Variants in CEACAM20 observed in about 807,000 individuals in gnomAD.
CEACAM20 encodes CEA cell adhesion molecule 20, also known as cell adhesion molecule CEACAM20.
A neutral mutation model predicts 61.2 loss-of-function variants in CEACAM20; 50 were observed. The observed-to-expected ratio is 0.82, with a 90% CI of 0.65 to 1.03. CEACAM20 has a LOEUF of 1.03. Ranked by LOEUF, CEACAM20 falls within the 50% of genes least tolerant of loss-of-function variation. The pLI is 0.00. For missense variants in CEACAM20, 683 were observed against 736.4 expected (o/e 0.93, Z 0.84); for synonymous variants, 282 against 287.7 (o/e 0.98, Z 0.20).
chr19:44,521,924 A>G (rs1971377576), intron 4 of CEACAM20, among the ~76,000 whole-genome samples: 1 of 151,972 alleles, frequency 6.6e-6, no homozygotes, highest in Non-Finnish European at 1.5e-5. Flanking sequence ...TAAACCCCCC[A>G]CCTCCAGAGA....
chr19:44,527,926 C>T (rs2123644284), intron 1 of CEACAM20, among the ~76,000 whole-genome samples: 1 of 152,280 alleles, frequency 6.6e-6, no homozygotes, highest in Non-Finnish European at 1.5e-5. Context: ...CATCCATCCC[C>T]ATCCTGATCC....
intron 10 of CEACAM20, 24 bp from the exon 11 acceptor site, chr19:44,511,179 G>A: frequency 6.2e-7 from 1 of 1,612,370 alleles, no homozygotes; most frequent in Non-Finnish European, 8.5e-7. Flanking sequence ...GAGAAATTAG[G>A]CAGGGCCCAC....
chr19:44,529,354 GCACACACA>G (rs71940010), intron 1 of CEACAM20, 96 bp downstream of exon 1: 20,454 of 654,752 alleles, frequency 0.031, 259 homozygotes, highest in African/African-American at 0.097. Flanking sequence ...TTCCTCGAGT[GCACACACA>G]CACACACACA....
chr19:44,525,230 C>G lies in CEACAM20; in HGVS notation c.67G>C (p.Val23Leu). 1 of 1,586,796 alleles carries G rather than the reference C, an allele frequency of 6.3e-7. No individual in the cohort carries two copies. Residue 23 changes from valine (V) to leucine (L), a missense_variant, in exon 2 of 12, where the codon GTA becomes CTA. Val to Leu is a conservative substitution (Grantham distance 32). Transcript: ENST00000614924. ...GILLSASLCT[V>L]WSPPAAAQLT... ...TGGGCTGCAGCTGGAGGACTCCATACGGTACAAAGCGAGGCTACAAGGGGA... is the reference window on the plus strand; with the variant it reads ...TGGGCTGCAGCTGGAGGACTCCATAGGGTACAAAGCGAGGCTACAAGGGGA...
chr19:44,522,960 G>A (rs751103480), intron 3 of CEACAM20, 48 bp from the exon 4 acceptor site: 2 of 1,490,962 alleles, frequency 1.3e-6, no homozygotes, highest in South Asian at 1.2e-5. Context: ...ATCAGCAACA[G>A]GTCTCTTATG....
In CEACAM20 at chr19:44,520,643, C is replaced by T. The variant is rs569489595; in HGVS notation, c.861G>A (p.Trp287Ter). The change falls in exon 5 of 12, where the codon TGG becomes TGA. Residue 287 changes from tryptophan to a stop codon, truncating the protein, a stop_gained. Transcript: ENST00000614924. LOFTEE classifies it high-confidence loss of function. ...GCAGGAGGGGCTGGCCACTTAGGAA[C>T]CACTGGACATTCACACTCTGATTGA... is the stretch of plus-strand genomic sequence containing the variant. ...QTVNQSVNVQWFLSGQPLLPS... is the reference protein window; with the variant it reads ...QTVNQSVNVQ 109 of 1,614,022 alleles carry T rather than the reference C, an allele frequency of 6.8e-5. 1 individual carries two copies. The South Asian group carries it at 1.1e-3, about 17-fold the overall frequency.
At chr19:44,507,247 G>A (rs920670115) in intron 11 of CEACAM20, among the ~76,000 whole-genome samples, 4 of 152,132 alleles carry the variant, frequency 2.6e-5, no homozygotes, top group South Asian at 2.1e-4. Flanking sequence ...CCTTTTGCCC[G>A]ACTAATAATA....
chr19:44,510,595 A>G lies in CEACAM20; in HGVS notation c.1737+435T>C, dbSNP rs1970956390. ...AAGAAAGAAAGAAAGAAAGAAAGAA[A>G]GAAAGAAAGAAAGAAAAAGGAAGGA... On this transcript the variant is annotated intron_variant, in intron 11 of 11. Transcript: ENST00000614924. Among the ~76,000 whole-genome samples the G allele has an allele frequency of 4.7e-3, 278 of 59,252 alleles. 8 individuals are homozygous for G. Among genetic ancestry groups the G allele is most frequent in the African/African-American group, 0.027 (254 of 9,310 alleles). 38.9% of individuals were successfully genotyped at this position (59,252 alleles called of 152,430 possible). A position where few individuals can be genotyped will look rare whatever the true frequency, so the allele number is the denominator to read the frequency against.
chr19:44,520,141 C>T (rs939902117), intron 5 of CEACAM20, among the ~76,000 whole-genome samples: 1 of 152,204 alleles, frequency 6.6e-6, no homozygotes, highest in East Asian at 1.9e-4. Flanking sequence ...TCTGCTTCTC[C>T]AAGGATCTGG....
rs1416231331 is a variant in CEACAM20 at position 44,520,668 on chromosome 19, A to G, written c.836T>C (p.Val279Ala). 10 of 1,613,958 alleles carry G rather than the reference A, an allele frequency of 6.2e-6. No individual in the cohort carries two copies. Among genetic ancestry groups the G allele is most frequent in the Non-Finnish European group, 8.5e-6 (10 of 1,179,880 alleles). The change falls in exon 5 of 12, where the codon GTC becomes GCC. Residue 279 changes from valine to alanine, a missense_variant. Transcript: ENST00000614924. ...CCACTGGACATTCACACTCTGATTG[A>G]CGGTTTGGCAGGTCAGGTCCACAGA... is the stretch of plus-strand genomic sequence containing the variant. Reference protein sequence around the residue: ...ARSVDLTCQTVNQSVNVQWFL... With the variant: ...ARSVDLTCQTANQSVNVQWFL...
intron 11 of CEACAM20, among the ~76,000 whole-genome samples, chr19:44,508,573 A>T (rs562673435): frequency 6.6e-6 from 1 of 152,202 alleles, no homozygotes; most frequent in East Asian, 1.9e-4. Flanking sequence ...TATTTTCAGT[A>T]GAGACAGCGT....
At chr19:44,515,845 C>G (rs1971139368) in intron 6 of CEACAM20, among the ~76,000 whole-genome samples, 1 of 152,058 alleles carries the variant, frequency 6.6e-6, no homozygotes, top group Non-Finnish European at 1.5e-5. Flanking sequence ...TGGTGCACAC[C>G]TGTAGTCCCA....
At chr19:44,524,666 A>T (rs1971473715) in intron 2 of CEACAM20, among the ~76,000 whole-genome samples, 1 of 151,800 alleles carries the variant, frequency 6.6e-6, no homozygotes, top group Non-Finnish European at 1.5e-5. Flanking sequence ...TGCAACCTTG[A>T]CCTCATGGGC....
chr19:44,513,174 T>C lies in CEACAM20; in HGVS notation c.1425A>G (p.Arg475=), dbSNP rs749298292. The C allele has an allele frequency of 8.7e-6, 14 of 1,608,192 alleles. No individual in the cohort carries two copies. Among genetic ancestry groups the C allele is most frequent in the Non-Finnish European group, 8.5e-7 (1 of 1,174,990 alleles). Residue 475 remains arginine, a splice_region_variant and synonymous_variant, in exon 7 of 12, where the codon AGA becomes AGG. Transcript: ENST00000614924. ...LGYFLCIRNA[R]RPSRKTTEDP... ...CCCTCCCTGTATCCCTGTGTTACCG[T>C]CTGGCATTTCTGATGCAGAGAAAAT...
chr19:44,516,610 T>C (rs1971162730), intron 6 of CEACAM20, among the ~76,000 whole-genome samples: 1 of 152,228 alleles, frequency 6.6e-6, no homozygotes, highest in South Asian at 2.1e-4. Context: ...TGTGAGTCCA[T>C]TAAACCTCTT....
At chr19:44,512,333 G>C (rs1467272791) in intron 8 of CEACAM20, among the ~76,000 whole-genome samples, 2 of 152,250 alleles carry the variant, frequency 1.3e-5, no homozygotes, top group African/African-American at 4.8e-5. Context: ...CTGTAGCCTG[G>C]ATTTAGCCCT....
At chr19:44,521,037 A>G (rs944761386) in intron 4 of CEACAM20, among the ~76,000 whole-genome samples, 2 of 151,890 alleles carry the variant, frequency 1.3e-5, no homozygotes, top group Non-Finnish European at 2.9e-5. Context: ...TGTTGGGTGT[A>G]TGTGTTGAAT....
At chr19:44,527,676 G>T (rs868479875) in intron 1 of CEACAM20, among the ~76,000 whole-genome samples, 1 of 152,026 alleles carries the variant, frequency 6.6e-6, no homozygotes, top group African/African-American at 2.4e-5. Flanking sequence ...CTGTGGATGC[G>T]GCTGATAACT....
chr19:44,520,349 G>A, intron 5 of CEACAM20, 125 bp downstream of exon 5: 1 of 1,300,686 alleles, frequency 7.7e-7, no homozygotes, highest in Non-Finnish European at 1.0e-6. Context: ...CCTGTCCAGT[G>A]CCCAGATTCA....
Sources: allele counts gnomAD v4.1 joint callset (sites outside exome capture counted in the v4.1 genomes callset), GRCh38; gene constraint gnomAD v4.1.1; transcripts MANE v1.5; gene names NCBI Gene and HGNC (gene_info 2026-07-23, HGNC 2026-07-21).